Variants in PBX3 observed in about 807,000 individuals in gnomAD.
PBX3 encodes the protein PBX homeobox 3, also known as pre-B-cell leukemia transcription factor 3.
Under a neutral mutation model 48.5 loss-of-function variants are expected in PBX3, and 14 were observed. The observed-to-expected ratio is 0.29, with a 90% CI of 0.19 to 0.45. PBX3 has a LOEUF of 0.45. PBX3 is among the 20% of genes least tolerant of loss of function. The pLI is 1.00. For synonymous variants in PBX3, 210 were observed against 200.3 expected (o/e 1.05, Z -0.41); for missense variants, 386 against 546.7 (o/e 0.71, Z 2.93).
intron 2 of PBX3, among the ~76,000 whole-genome samples, chr9:125,848,499 A>C (rs1660098333): frequency 6.6e-6 from 1 of 152,010 alleles, no homozygotes; most frequent in African/African-American, 2.4e-5. Flanking sequence ...GATGCATAGT[A>C]AGTATTGTTG....
intron 2 of PBX3, among the ~76,000 whole-genome samples, chr9:125,764,989 CAAT>C (rs963296501): frequency 3.9e-5 from 6 of 151,972 alleles, no homozygotes; most frequent in African/African-American, 1.5e-4. Flanking sequence ...GAAATCCAAT[CAAT>C]AAAATTAAAA....
chr9:125,946,130 G>A (rs1372195386), intron 5 of PBX3, among the ~76,000 whole-genome samples: 1 of 152,208 alleles, frequency 6.6e-6, no homozygotes, highest in Non-Finnish European at 1.5e-5. Flanking sequence ...CATCTTAGCA[G>A]TGAGTGCATC....
intron 2 of PBX3, among the ~76,000 whole-genome samples, chr9:125,839,792 A>G (rs149257748): frequency 4.9e-4 from 75 of 152,344 alleles, no homozygotes; most frequent in African/African-American, 1.8e-3. Context: ...CTGTTGGGAT[A>G]TGATTCTTAA....
At chr9:125,878,703 A>G (rs1840312080) in intron 2 of PBX3, among the ~76,000 whole-genome samples, 1 of 152,224 alleles carries the variant, frequency 6.6e-6, no homozygotes, top group Admixed American at 6.5e-5. Flanking sequence ...ATGTTCACAT[A>G]TGCATTTCTT....
intron 2 of PBX3, among the ~76,000 whole-genome samples, chr9:125,798,561 G>A (rs537757583): frequency 6.6e-6 from 1 of 152,088 alleles, no homozygotes; most frequent in Non-Finnish European, 1.5e-5. Flanking sequence ...TTCAACAAAT[G>A]ATTACTGAAT....
intron 2 of PBX3, among the ~76,000 whole-genome samples, chr9:125,816,621 A>G (rs574606870): frequency 6.6e-6 from 1 of 152,350 alleles, no homozygotes; most frequent in Admixed American, 6.5e-5. Flanking sequence ...AGTAAGTTGC[A>G]GAACTGGGAT....
At chr9:125,823,981 CAGG>C (rs1838735101) in intron 2 of PBX3, among the ~76,000 whole-genome samples, 1 of 151,320 alleles carries the variant, frequency 6.6e-6, no homozygotes, top group Non-Finnish European at 1.5e-5. Flanking sequence ...GAGGCTGAGG[CAGG>C]AGAATTGCTT....
chr9:125,879,076 T>TC (rs763367507), intron 2 of PBX3, among the ~76,000 whole-genome samples: 1 of 114,796 alleles, frequency 8.7e-6, no homozygotes, highest in Non-Finnish European at 1.9e-5. Context: ...GACATGCTAT[T>TC]CTTTTTTTTT....
intron 2 of PBX3, among the ~76,000 whole-genome samples, chr9:125,840,230 A>T (rs1839251103): frequency 6.6e-6 from 1 of 152,004 alleles, no homozygotes; most frequent in African/African-American, 2.4e-5. Flanking sequence ...TAAAGGAGGA[A>T]TTTTTTTCAG....
rs544142443 is a variant in PBX3 at position 125,898,223 on chromosome 9, G to C, written c.275-17463G>C. 5.3e-5 allele frequency among the ~76,000 whole-genome samples: 8 copies of C among 151,622 alleles called. No individual in the cohort carries two copies. In the East Asian group the frequency reaches 1.4e-3, roughly 26 times the overall value. ...GGAAGCTACTATTCTCACCAGTAAG[G>C]TTGCCATTTCTCAACCTCTCCCGAC... On this transcript the variant is annotated intron_variant, in intron 2 of 8. Coordinates refer to ENST00000373489, the MANE Select transcript of PBX3 (RefSeq NM_006195.6).
At chr9:125,894,528 A>G (rs1840724318) in intron 2 of PBX3, among the ~76,000 whole-genome samples, 1 of 152,084 alleles carries the variant, frequency 6.6e-6, no homozygotes, top group Admixed American at 6.6e-5. Flanking sequence ...TCTGAAACCT[A>G]GTGTGCTTGT....
At position 125,928,460 on chromosome 9, in the gene PBX3, T is replaced by C. The variant is rs912679355; in HGVS notation, c.517-1195T>C. Among the ~76,000 whole-genome samples the C allele has an allele frequency of 3.3e-5, 4 of 120,302 alleles. No homozygotes were observed. The South Asian group carries it at 9.6e-4, about 29-fold the overall frequency. 78.9% of individuals were successfully genotyped at this position (120,302 alleles called of 152,430 possible). On this transcript the variant is annotated intron_variant, in intron 3 of 8. Transcript: ENST00000373489. Reference sequence around the variant, plus strand: ...TACTGAAAGAGACAATGTCTGAGGATTTTTTTTTTTTTTTTGAGACAGAAT... The same window carrying C: ...TACTGAAAGAGACAATGTCTGAGGACTTTTTTTTTTTTTTTGAGACAGAAT...
Position 125,748,280 on chromosome 9 carries a change from T to A in PBX3, c.201-270T>A. 4.6e-6 allele frequency: 5 copies of A among 1,083,094 alleles called. No homozygotes were observed. The South Asian group carries it at 1.6e-4, about 35-fold the overall frequency. The allele number at this position is 1,083,094 out of a possible 1,614,324, so 67.1% of individuals were successfully genotyped here. ...CCTTCGCCTGCCCCCGGGGCGAGGC[T>A]CCCCGCGCGGGTTCGCGTCGCGTCT... On this transcript the variant is annotated intron_variant, in intron 1 of 8. Transcript: ENST00000373489.
chr9:125,926,783 G>A (rs563639371), intron 3 of PBX3, among the ~76,000 whole-genome samples: 6 of 152,204 alleles, frequency 3.9e-5, no homozygotes, highest in Admixed American at 1.3e-4. Flanking sequence ...TCGTGCCATT[G>A]CACCACAGCC....
chr9:125,912,945 G>A (rs927371356), intron 2 of PBX3, among the ~76,000 whole-genome samples: 1 of 152,090 alleles, frequency 6.6e-6, no homozygotes, highest in Non-Finnish European at 1.5e-5. Context: ...ATAGTGAGTG[G>A]CTAGGTAGGT....
chr9:125,942,920 G>C (rs1416852288), intron 5 of PBX3, among the ~76,000 whole-genome samples: 1 of 152,114 alleles, frequency 6.6e-6, no homozygotes, highest in Non-Finnish European at 1.5e-5. Context: ...TGATTTTTTT[G>C]TTGCTGTTGT....
At chr9:125,882,571 A>G (rs1229525571) in intron 2 of PBX3, among the ~76,000 whole-genome samples, 1 of 152,244 alleles carries the variant, frequency 6.6e-6, no homozygotes, top group Non-Finnish European at 1.5e-5. Flanking sequence ...TACAGAAATC[A>G]TGCATACTTC....
intron 2 of PBX3, among the ~76,000 whole-genome samples, chr9:125,800,932 TA>T (rs1837925235): frequency 6.6e-6 from 1 of 152,004 alleles, no homozygotes; most frequent in South Asian, 2.1e-4. Context: ...TTTGTATTTT[TA>T]GTAGAGACGG....
At chr9:125,815,788 C>T (rs961800685) in intron 2 of PBX3, among the ~76,000 whole-genome samples, 11 of 151,954 alleles carry the variant, frequency 7.2e-5, no homozygotes, top group African/African-American at 2.7e-4. Flanking sequence ...GCCCCATTTC[C>T]TGTTGCTGTT....
Sources: gnomAD v4.1 joint callset for allele counts (sites outside exome capture counted in the v4.1 genomes callset) on GRCh38, gnomAD v4.1.1 for gene constraint, MANE v1.5 for transcripts, NCBI Gene and HGNC (gene_info 2026-07-23, HGNC 2026-07-21) for gene names.